The following REEP3 variants were observed in gnomAD, a reference collection of about 807,000 sequenced individuals.
REEP3 encodes receptor expression-enhancing protein 3.
REEP3 carries 20 observed loss-of-function variants against 41.3 expected under a neutral mutation model. The ratio of observed to expected loss-of-function variants is 0.48; its 90% CI spans 0.34 to 0.70. The LOEUF (loss-of-function observed/expected upper bound fraction) is 0.70, where lower values mean the gene tolerates loss of function less well. Among genes scored for constraint, REEP3 ranks in the 30% least tolerant of loss-of-function variants. The pLI is 0.01. For synonymous variants in REEP3, 104 were observed against 101.8 expected (o/e 1.02, Z -0.13); for missense variants, 271 against 308.8 (o/e 0.88, Z 0.92).
Position 63,543,318 on chromosome 10 carries a change from CAG to C in REEP3, c.32+21742_32+21743del, listed in dbSNP as rs1409393109. Among the ~76,000 whole-genome samples the C allele has an allele frequency of 2.6e-5, 4 of 152,250 alleles. No individual in the cohort carries two copies. The South Asian group carries it at 8.3e-4, about 31-fold the overall frequency. On this transcript the variant is annotated intron_variant, in intron 1 of 7. Transcript: ENST00000373758. ...GGAATTATTTATTTATTTTCTGACA[CAG>C]GGTCTCGCTGTGTTGCCCAGGCTAA...
At chr10:63,614,763 C>A in intron 6 of REEP3, among the ~76,000 whole-genome samples, 1 of 152,174 alleles carries the variant, frequency 6.6e-6, no homozygotes, top group Non-Finnish European at 1.5e-5. Flanking sequence ...ACACAGCAAG[C>A]CTGTTGAGAA....
chr10:63,584,787 T>A (rs1454873222), intron 2 of REEP3, among the ~76,000 whole-genome samples: 2 of 152,196 alleles, frequency 1.3e-5, no homozygotes, highest in African/African-American at 2.4e-5. Context: ...ATGTTTTGGG[T>A]GAATTGACTT....
In REEP3 at chr10:63,610,347, GT is replaced by G; in HGVS notation, c.565+17del. 2 of 1,544,968 alleles carry G rather than the reference GT, an allele frequency of 1.3e-6. No individual in the cohort carries two copies. Among genetic ancestry groups the G allele is most frequent in the Non-Finnish European group, 1.7e-6 (2 of 1,143,246 alleles). On this transcript the variant is annotated intron_variant, in intron 6 of 7. Transcript: ENST00000373758. ...AGTGAATCAGCAGGTGTGCTTGTGT[GT>G]TTTAATATACGGTTCTTTTACATGG...
chr10:63,551,341 T>C (rs961655279), intron 1 of REEP3, among the ~76,000 whole-genome samples: 2 of 152,178 alleles, frequency 1.3e-5, no homozygotes, highest in African/African-American at 4.8e-5. Flanking sequence ...ATAAATATCA[T>C]GAGTCCATAC....
intron 2 of REEP3, among the ~76,000 whole-genome samples, chr10:63,591,074 A>G (rs575255081): frequency 5.3e-5 from 8 of 151,228 alleles, no homozygotes; most frequent in African/African-American, 1.9e-4. Flanking sequence ...TTGTTGATCT[A>G]AAGAATATTT....
rs1218703345 is a variant in REEP3 at position 63,598,005 on chromosome 10, C to T, written c.183-19C>T. 10 of 1,584,914 alleles carry T rather than the reference C, an allele frequency of 6.3e-6. No homozygotes were observed. Among genetic ancestry groups the T allele is most frequent in the Non-Finnish European group, 8.6e-6 (10 of 1,168,048 alleles). Reference sequence around the variant, plus strand: ...TTGTTTTTCACTGGCAGTTTATTTCCAAATGTTTTTCTTATTAGGTTTCCC... The same window carrying T: ...TTGTTTTTCACTGGCAGTTTATTTCTAAATGTTTTTCTTATTAGGTTTCCC... On this transcript the variant is annotated intron_variant, in intron 3 of 7. Coordinates refer to ENST00000373758, the MANE Select transcript of REEP3 (RefSeq NM_001001330.3).
intron 5 of REEP3, chr10:63,599,820 A>T (rs1956156633): frequency 3.5e-6 from 1 of 285,236 alleles, no homozygotes; most frequent in Admixed American, 6.5e-5. Context: ...TATCAAATGA[A>T]TGTGTTCTGT....
At chr10:63,615,110 G>A (rs1442076107) in intron 6 of REEP3, among the ~76,000 whole-genome samples, 1 of 151,986 alleles carries the variant, frequency 6.6e-6, no homozygotes, top group Non-Finnish European at 1.5e-5. Flanking sequence ...ATGATGAAAT[G>A]GATTAATATA....
intron 3 of REEP3, among the ~76,000 whole-genome samples, chr10:63,595,979 T>C (rs1956110802): frequency 6.6e-6 from 1 of 152,236 alleles, no homozygotes; most frequent in African/African-American, 2.4e-5. Context: ...TTCTTTTTAC[T>C]TGCTCCTGGT....
Position 63,594,768 on chromosome 10 carries a change from T to C in REEP3, c.106-10T>C. On this transcript the variant is annotated splice_polypyrimidine_tract_variant and intron_variant, in intron 2 of 7. Transcript: ENST00000373758. ...ATCTGTTGTTTCATGAGTATTTTTA[T>C]TATTTCCAGGTTCGATGGATGATGT... 1 of 1,575,364 alleles carries C rather than the reference T, an allele frequency of 6.3e-7. No individual in the cohort carries two copies. The highest frequency in any genetic ancestry group is 8.7e-7 in the Non-Finnish European group (1 of 1,144,838).
intron 1 of REEP3, among the ~76,000 whole-genome samples, chr10:63,524,277 A>T (rs1002235406): frequency 1.3e-5 from 2 of 152,148 alleles, no homozygotes; most frequent in African/African-American, 4.8e-5. Flanking sequence ...TAACCCACTG[A>T]GACAACCACC....
At position 63,620,818 on chromosome 10, in the gene REEP3, G is replaced by C; in HGVS notation, c.717G>C (p.Arg239=). ...VKTTKGRKEV[R]YGSLKYKVKK... ...TAAAACATTTCTCTCTTCAGGTGCG[G>C]TACGGGTCACTAAAATACAAAGTGA... The change falls in exon 8 of 8, where the codon CGG becomes CGC. Residue 239 remains arginine, a synonymous_variant. Coordinates refer to ENST00000373758, the MANE Select transcript of REEP3 (RefSeq NM_001001330.3). 3 of 1,602,422 alleles carry C rather than the reference G, an allele frequency of 1.9e-6. No homozygotes were observed. Among genetic ancestry groups the C allele is most frequent in the Non-Finnish European group, 2.6e-6 (3 of 1,171,896 alleles).
intron 2 of REEP3, among the ~76,000 whole-genome samples, chr10:63,585,505 C>T (rs978232270): frequency 2.6e-5 from 4 of 152,034 alleles, no homozygotes; most frequent in Non-Finnish European, 5.9e-5. Flanking sequence ...CTATTCTTAT[C>T]CTTCTATGTT....
At chr10:63,524,562 A>G (rs750560691) in intron 1 of REEP3, among the ~76,000 whole-genome samples, 2 of 151,636 alleles carry the variant, frequency 1.3e-5, no homozygotes, top group South Asian at 2.1e-4. Context: ...TCATGACTCA[A>G]CCTCCCAAGT....
intron 1 of REEP3, among the ~76,000 whole-genome samples, chr10:63,526,642 T>C (rs573947382): frequency 2.0e-4 from 31 of 152,200 alleles, no homozygotes; most frequent in Admixed American, 8.5e-4. Context: ...TTGTATTTTA[T>C]TTATCAGCAC....
intron 1 of REEP3, among the ~76,000 whole-genome samples, chr10:63,535,432 T>G (rs1364020474): frequency 2.6e-5 from 4 of 152,206 alleles, no homozygotes; most frequent in East Asian, 1.9e-4. Context: ...CTAAAAAGTC[T>G]ATAAATTTAA....
intron 1 of REEP3, among the ~76,000 whole-genome samples, chr10:63,534,111 A>G (rs1039175350): frequency 6.6e-6 from 1 of 152,142 alleles, no homozygotes; most frequent in African/African-American, 2.4e-5. Flanking sequence ...TCTAAAAAAA[A>G]CCTGATCTTT....
At chr10:63,584,200 A>G (rs750978785) in intron 2 of REEP3, among the ~76,000 whole-genome samples, 25 of 152,140 alleles carry the variant, frequency 1.6e-4, no homozygotes, top group Non-Finnish European at 3.1e-4. Context: ...CTTCAGAGCA[A>G]CAGGATATTC....
rs1955364646 is a variant in REEP3, at chr10:63,526,377, A to G, written c.32+4800A>G. ...GCTGAAATGCAATTATAATGCTATA[A>G]TGGACATTATATATACTTCTTTTGA... On this transcript the variant is annotated intron_variant, in intron 1 of 7. Transcript: ENST00000373758. Among the ~76,000 whole-genome samples, 5 of 152,232 alleles carry G rather than the reference A, an allele frequency of 3.3e-5. 1 individual carries two copies. In the South Asian group the frequency reaches 1.0e-3, roughly 32 times the overall value.
Sources: allele counts gnomAD v4.1 joint callset (sites outside exome capture counted in the v4.1 genomes callset), GRCh38; gene constraint gnomAD v4.1.1; transcripts MANE v1.5; gene names NCBI Gene and HGNC (gene_info 2026-07-23, HGNC 2026-07-21).